The following EIF2D variants were observed in gnomAD, a reference collection of about 807,000 sequenced individuals.
EIF2D encodes the protein eukaryotic translation initiation factor 2D, also known as hepatocellular carcinoma-associated antigen 56.
EIF2D carries 56 observed loss-of-function variants against 77.4 expected under a neutral mutation model. That is an observed-to-expected ratio of 0.72 (90% CI 0.58 to 0.90). The LOEUF (loss-of-function observed/expected upper bound fraction) is 0.90. Among genes scored for constraint, EIF2D ranks in the 40% least tolerant of loss-of-function variants. The pLI is 0.00. For missense variants in EIF2D, 574 were observed against 706.5 expected (o/e 0.81, Z 2.13); for synonymous variants, 230 against 271.0 (o/e 0.85, Z 1.49).
chr1:206,598,823 C>A (rs1553410682), intron 11 of EIF2D, among the ~76,000 whole-genome samples, 180 bp downstream of exon 11: 1 of 133,384 alleles, frequency 7.5e-6, no homozygotes, highest in Non-Finnish European at 1.6e-5. Context: ...ATACATGGAT[C>A]TGAACACCCC....
Position 206,599,829 on chromosome 1 carries a change from T to G in EIF2D, c.956A>C (p.Lys319Thr). Residue 319 changes from lysine (K) to threonine (T), a missense_variant, in exon 9 of 15, where the codon AAG (lysine) becomes ACG (threonine). By Grantham distance (78) the Lys-to-Thr change is moderately conservative. Transcript: ENST00000271764. The surrounding 1 kb of genome is among the most constrained non-coding windows in gnomAD (Gnocchi z 4.1). Reference protein sequence around the residue: ...IKKSSYKKLSKFLQQMQQEQI... With the variant: ...IKKSSYKKLSTFLQQMQQEQI... ...CTCCTGCTGCATTTGCTGCAGGAAC[T>G]TAGAGAGCTAAGGGAGAGAGGGCCA... 1 of 1,613,966 alleles carries G rather than the reference T, an allele frequency of 6.2e-7. No homozygotes were observed.
intron 2 of EIF2D, among the ~76,000 whole-genome samples, chr1:206,610,921 T>C (rs1553413798): frequency 6.6e-6 from 1 of 152,202 alleles, no homozygotes; most frequent in African/African-American, 2.4e-5. Context: ...ATCTCAGAAC[T>C]TCCCTTTGCA....
rs539735419 is a variant in EIF2D, at chr1:206,600,409, C to T, written c.903-101G>A. The T allele has an allele frequency of 4.6e-5, 50 of 1,094,812 alleles. 1 individual carries two copies. Among genetic ancestry groups the T allele is most frequent in the Non-Finnish European group, 6.4e-5 (47 of 735,940 alleles). The allele number at this position is 1,094,812 out of a possible 1,614,324, so 67.8% of individuals were successfully genotyped here. ...CTTTTTCCTCAGCCTTCCTCCCCCA[C>T]CTTCAGAGAGAGGCCACTGTGCCAG... On this transcript the variant is annotated intron_variant, in intron 7 of 14. Coordinates refer to ENST00000271764, the MANE Select transcript of EIF2D (RefSeq NM_006893.3).
In EIF2D at chr1:206,584,613, T is replaced by A. The variant is rs782662751; in HGVS notation, c.139-3451A>T. The A allele has an allele frequency of 1.9e-6, 3 of 1,614,200 alleles. No individual in the cohort carries two copies. The highest frequency in any genetic ancestry group is 1.6e-4 in the Middle Eastern group (1 of 6,062). ...GTCAGTGAGGTCATCCAGGGGCTGC[T>A]CAAGAAGTTCATGGTTGTGGACAAT... On this transcript the variant is annotated intron_variant and NMD_transcript_variant, in intron 2 of 5. Transcript: ENST00000472709. The surrounding 1 kb of genome is among the most constrained non-coding windows in gnomAD (Gnocchi z 4.9).
rs1669623412 is a variant in EIF2D, at chr1:206,595,896, A to C, written c.1389-58T>G. On this transcript the variant is annotated intron_variant, in intron 12 of 14. Transcript: ENST00000271764. ...AAGCCAACAGAAACCATTTCCTCAT[A>C]CCCCACTACCAGCAGGCAGTTAGGT... The C allele has an allele frequency of 3.1e-6, 5 of 1,593,500 alleles. No individual in the cohort carries two copies. The South Asian group carries it at 5.6e-5, about 18-fold the overall frequency.
At chr1:206,580,019 G>A (rs1363075523) in intron 4 of EIF2D, among the ~76,000 whole-genome samples, 1 of 152,296 alleles carries the variant, frequency 6.6e-6, no homozygotes, top group East Asian at 1.9e-4. Context: ...TCCCAGACAG[G>A]GCTTCCCATC....
At chr1:206,586,560 C>A in intron 2 of EIF2D, 1 of 328,666 alleles carries the variant, frequency 3.0e-6, no homozygotes, top group Non-Finnish European at 5.7e-6. Context: ...TACACAGAAA[C>A]TTAAGATTAT....
At chr1:206,609,500 C>A in intron 2 of EIF2D, 41 bp from the exon 3 acceptor site, 6 of 1,536,362 alleles carry the variant, frequency 3.9e-6, no homozygotes, top group Non-Finnish European at 5.4e-6. Flanking sequence ...TACCAAAAAG[C>A]CAATCTTCTA....
At chr1:206,587,419 T>C (rs568769774), downstream of EIF2D, 14 of 256,292 alleles carry the variant, frequency 5.5e-5, no homozygotes, top group African/African-American at 3.0e-4. Flanking sequence ...TGAAAAGTTG[T>C]AGCACATTCC....
chr1:206,583,110 G>A, intron 2 of EIF2D: 1 of 574,638 alleles, frequency 1.7e-6, no homozygotes, highest in South Asian at 1.9e-5. Flanking sequence ...GCTGCAATTT[G>A]ACCTCTCATT....
intron 14 of EIF2D, 111 bp downstream of exon 14, chr1:206,593,508 A>AGAGAGAGAGAGTGTGT: frequency 2.5e-6 from 1 of 398,390 alleles, no homozygotes; most frequent in African/African-American, 2.4e-5. Context: ...AGAGAGAGAG[A>AGAGAGAGAGAGTGTGT]GTGTGTGTGT....
In EIF2D at chr1:206,603,203, G is replaced by A. The variant is rs782155145; in HGVS notation, c.532C>T (p.Arg178Trp). The A allele has an allele frequency of 6.8e-6, 11 of 1,611,996 alleles. No homozygotes were observed. Among genetic ancestry groups the A allele is most frequent in the South Asian group, 4.4e-5 (4 of 91,044 alleles). Residue 178 changes from arginine (R) to tryptophan (W), a missense_variant and splice_region_variant, in exon 6 of 15, where the codon CGG (arginine) becomes TGG (tryptophan). Arg to Trp is a moderately radical substitution (Grantham distance 101). Coordinates refer to ENST00000271764, the MANE Select transcript of EIF2D (RefSeq NM_006893.3). ...VLHTYQDHLW[R>W]SGNKSSPPSI... is the part of the protein sequence containing the mutation. Reference sequence around the variant, plus strand: ...GGTGGAGAGGACTTGTTTCCAGACCGCCTGGAAAAATCTCATGTCAGAAAC... The same window carrying A: ...GGTGGAGAGGACTTGTTTCCAGACCACCTGGAAAAATCTCATGTCAGAAAC...
downstream of EIF2D, chr1:206,586,876 A>G (rs1553407763): frequency 6.2e-7 from 1 of 1,614,194 alleles, no homozygotes; most frequent in Admixed American, 1.7e-5. Flanking sequence ...CAATCCTGGA[A>G]AAAGAGGAGC....
At chr1:206,589,559 AG>A (rs1162577257), downstream of EIF2D, 47 of 152,280 alleles carry the variant, frequency 3.1e-4, no homozygotes, top group African/African-American at 1.1e-3. Flanking sequence ...GGGAAAGAGA[AG>A]GGCCTTCTGG....
intron 4 of EIF2D, among the ~76,000 whole-genome samples, chr1:206,574,160 G>C (rs1243387585): frequency 6.6e-6 from 1 of 152,256 alleles, no homozygotes; most frequent in African/African-American, 2.4e-5. Context: ...TGCAGAGACT[G>C]AGATGGTCAC....
intron 11 of EIF2D, among the ~76,000 whole-genome samples, chr1:206,597,751 C>T (rs1669721933): frequency 6.6e-6 from 1 of 152,132 alleles, no homozygotes; most frequent in South Asian, 2.1e-4. Flanking sequence ...TCAAGACTAG[C>T]CTGGCCAACA....
At chr1:206,603,867 T>C (rs1373323914) in intron 5 of EIF2D, among the ~76,000 whole-genome samples, 2 of 152,240 alleles carry the variant, frequency 1.3e-5, no homozygotes, top group Non-Finnish European at 2.9e-5. Context: ...TAACTAATAG[T>C]TACGGCAAGG....
chr1:206,586,442 C>G, intron 2 of EIF2D: 1 of 195,964 alleles, frequency 5.1e-6, no homozygotes, highest in South Asian at 8.8e-5. Context: ...TGGAGTCAGG[C>G]CCAACCCCGG....
At chr1:206,593,508 A>AGAGTGTGTGTGTGTGCGTGTGTGT (rs10533643) in intron 14 of EIF2D, 111 bp downstream of exon 14, 1 of 365,910 alleles carries the variant, frequency 2.7e-6, no homozygotes, top group African/African-American at 2.4e-5. Context: ...AGAGAGAGAG[A>AGAGTGTGTGTGTGTGCGTGTGTGT]GTGTGTGTGT....
Sources: allele counts gnomAD v4.1 joint callset (sites outside exome capture counted in the v4.1 genomes callset), GRCh38; gene constraint gnomAD v4.1.1; non-coding constraint Gnocchi (gnomAD v3.1); transcripts MANE v1.5; gene names NCBI Gene and HGNC (gene_info 2026-07-23, HGNC 2026-07-21).